Variants in TDRD15 observed in about 807,000 individuals in gnomAD.
The protein encoded by TDRD15 is tudor domain-containing protein 15.
For synonymous variants in TDRD15, 503 were observed against 314.5 expected, an observed-to-expected ratio of 1.60 and a Z score of -6.34; for missense variants, 1,416 against 904.7, an observed-to-expected ratio of 1.57 and a Z score of -7.25.
chr2:21,140,881 G>A lies in TDRD15; in HGVS notation c.3414G>A (p.Leu1138=), dbSNP rs1236551288. Residue 1138 remains leucine (L), a synonymous_variant, in exon 4 of 4, where the codon TTG becomes TTA. Coordinates refer to ENST00000405799, the MANE Select transcript of TDRD15 (RefSeq NM_001306137.2). ...SQYINEKIKV[L]LHAYGKRHCD... is the part of the protein sequence containing the mutation. ...ATATAAATGAGAAAATTAAAGTGTT[G>A]CTTCATGCTTATGGAAAAAGACATT... 4 of 709,268 alleles carry A rather than the reference G, an allele frequency of 5.6e-6. No homozygotes were observed. Among genetic ancestry groups the A allele is most frequent in the East Asian group, 2.7e-5 (1 of 37,228 alleles). The allele number at this position is 709,268 out of a possible 1,614,324, so 43.9% of individuals were successfully genotyped here.
intron 2 of TDRD15, among the ~76,000 whole-genome samples, chr2:21,131,422 A>G (rs1665716045): frequency 6.6e-6 from 1 of 152,230 alleles, no homozygotes. Flanking sequence ...TTATGATTTT[A>G]TATTCCACAT....
In TDRD15 at chr2:21,136,577, C is replaced by T. The variant is rs535996160; in HGVS notation, c.-3-888C>T. Reference sequence around the variant, plus strand: ...CCAATGTTTTTCTCTTACTCATCCTCATAGAAATAAATTAATGCCTGTCAA... The same window carrying T: ...CCAATGTTTTTCTCTTACTCATCCTTATAGAAATAAATTAATGCCTGTCAA... On this transcript the variant is annotated intron_variant, in intron 3 of 3. Coordinates refer to ENST00000405799, the MANE Select transcript of TDRD15 (RefSeq NM_001306137.2). 1.2e-4 allele frequency among the ~76,000 whole-genome samples: 18 copies of T among 152,094 alleles called. 1 individual carries two copies. The South Asian group carries it at 3.5e-3, about 30-fold the overall frequency.
chr2:21,127,480 T>G (rs1280853568), intron 1 of TDRD15, 121 bp from the exon 2 acceptor site: 5 of 152,250 alleles, frequency 3.3e-5, no homozygotes, highest in African/African-American at 4.8e-5. Context: ...AATAAATTTT[T>G]GCATATGGTC....
chr2:21,136,806 C>T (rs951687320), intron 3 of TDRD15, among the ~76,000 whole-genome samples: 19 of 151,984 alleles, frequency 1.3e-4, no homozygotes, highest in African/African-American at 4.3e-4. Flanking sequence ...GCCAGTCATG[C>T]CAGTGATAAG....
rs780665347 is a variant in TDRD15 at position 21,143,061 on chromosome 2, C to G, written c.5594C>G (p.Ala1865Gly). Residue 1865 changes from alanine to glycine, a missense_variant, in exon 4 of 4, where the codon GCC (alanine) becomes GGC (glycine). Physicochemically the swap from Ala to Gly is moderately conservative, Grantham distance 60. Coordinates refer to ENST00000405799, the MANE Select transcript of TDRD15 (RefSeq NM_001306137.2). ...PAKGKHWSEEAKIFFRDFLSK... is the reference protein window; with the variant it reads ...PAKGKHWSEEGKIFFRDFLSK... ...AAAGGAAAACATTGGAGTGAAGAAG[C>G]CAAAATCTTTTTTCGAGATTTCCTA... 2.9e-6 allele frequency: 2 copies of G among 689,228 alleles called. No homozygotes were observed. The highest frequency in any genetic ancestry group is 2.7e-6 in the Non-Finnish European group (1 of 375,030). The allele number at this position is 689,228 out of a possible 1,614,324, so 42.7% of individuals were successfully genotyped here.
rs771308434 is a variant in TDRD15 at position 21,137,457 on chromosome 2, C to T, written c.-3-8C>T. On this transcript the variant is annotated splice_region_variant and splice_polypyrimidine_tract_variant and intron_variant, in intron 3 of 3. Coordinates refer to ENST00000405799, the MANE Select transcript of TDRD15 (RefSeq NM_001306137.2). Reference sequence around the variant, plus strand: ...ATAGCTAATGAGTAATTATTATTTGCTTTTTAGAAAATGGATTCTACATCT... The same window carrying T: ...ATAGCTAATGAGTAATTATTATTTGTTTTTTAGAAAATGGATTCTACATCT... 2.0e-5 allele frequency: 12 copies of T among 615,004 alleles called. No homozygotes were observed. The South Asian group carries it at 2.5e-4, about 13-fold the overall frequency. The allele number at this position is 615,004 out of a possible 1,614,324, so 38.1% of individuals were successfully genotyped here. A position where few individuals can be genotyped will look rare whatever the true frequency, so the allele number is the denominator to read the frequency against.
intron 3 of TDRD15, among the ~76,000 whole-genome samples, chr2:21,136,761 A>T (rs996291847): frequency 6.6e-6 from 1 of 152,028 alleles, no homozygotes; most frequent in Non-Finnish European, 1.5e-5. Context: ...TTTTGCCTTG[A>T]TGCTATAGAT....
At position 21,143,516 on chromosome 2, in the gene TDRD15, C is replaced by T. The variant is rs1665980226; in HGVS notation, c.*244C>T. 6.6e-6 allele frequency among the ~76,000 whole-genome samples: 1 copy of T among 151,456 alleles called. No individual in the cohort carries two copies. The highest frequency in any genetic ancestry group is 2.1e-4 in the South Asian group (1 of 4,822). ...ACCATTTTGTTTGATACATGTACAA[C>T]AGCTTCATTTTGGGAACTGCCTGAT... On this transcript the variant is annotated 3_prime_UTR_variant, in exon 4 of 4. Transcript: ENST00000405799.
Position 21,137,804 on chromosome 2 carries a change from A to G in TDRD15, c.337A>G (p.Asn113Asp), listed in dbSNP as rs1572299025. Reference sequence around the variant, plus strand: ...TCCACAGATTGCTTCAGCCTGTGGCAATTTATTTGAGCTACCGCCACGGGT... The same window carrying G: ...TCCACAGATTGCTTCAGCCTGTGGCGATTTATTTGAGCTACCGCCACGGGT... ...AGPQIASACG[N>D]LFELPPRVVF... Residue 113 changes from asparagine to aspartate, a missense_variant, in exon 4 of 4, where the codon AAT (asparagine) becomes GAT (aspartate). By Grantham distance (23) the Asn-to-Asp change is conservative. Transcript: ENST00000405799. 1.4e-6 allele frequency: 1 copy of G among 716,516 alleles called. No homozygotes were observed. The highest frequency in any genetic ancestry group is 2.6e-6 in the Non-Finnish European group (1 of 384,468). The allele number at this position is 716,516 out of a possible 1,614,324, so 44.4% of individuals were successfully genotyped here.
Position 21,138,594 on chromosome 2 carries a change from A to G in TDRD15, c.1127A>G (p.Gln376Arg), listed in dbSNP as rs1202432408. 2 of 713,286 alleles carry G rather than the reference A, an allele frequency of 2.8e-6. No homozygotes were observed. Among genetic ancestry groups the G allele is most frequent in the East Asian group, 5.4e-5 (2 of 37,266 alleles). The allele number at this position is 713,286 out of a possible 1,614,324, so 44.2% of individuals were successfully genotyped here. A position where few individuals can be genotyped will look rare whatever the true frequency, so the allele number is the denominator to read the frequency against. The change falls in exon 4 of 4, where the codon CAG (glutamine) becomes CGG (arginine). Residue 376 changes from glutamine (Q) to arginine (R), a missense_variant. Transcript: ENST00000405799. The stretch of plus-strand genomic sequence containing the variant: ...ATATTTCAACTGAGTATATTTAAAC[A>G]GGCCTTATTAGGACAAGTGGTATAT... ...ARIFQLSIFK[Q>R]ALLGQVVYAH...
At chr2:21,125,700 G>A (rs1422453436) in intron 1 of TDRD15, among the ~76,000 whole-genome samples, 2 of 152,038 alleles carry the variant, frequency 1.3e-5, no homozygotes, top group Non-Finnish European at 2.9e-5. Flanking sequence ...AAAGCAGAGG[G>A]TAAAGTGAAT....
rs1396116338 is a variant in TDRD15 at position 21,141,703 on chromosome 2, A to T, written c.4236A>T (p.Gly1412=). ...TAGGAATCCATGCTTTTCTTAGTGG[A>T]GTAAAATGGAATGAGCCTGATGAAA... is the stretch of plus-strand genomic sequence containing the variant. ...PQLGIHAFLS[G]VKWNEPDEIW... is the part of the protein sequence containing the mutation. Residue 1412 remains glycine (G), a synonymous_variant, in exon 4 of 4, where the codon GGA becomes GGT. Transcript: ENST00000405799. 1.4e-6 allele frequency: 1 copy of T among 715,388 alleles called. No individual in the cohort carries two copies. Among genetic ancestry groups the T allele is most frequent in the East Asian group, 2.7e-5 (1 of 37,244 alleles). The allele number at this position is 715,388 out of a possible 1,614,324, so 44.3% of individuals were successfully genotyped here. A position where few individuals can be genotyped will look rare whatever the true frequency, so the allele number is the denominator to read the frequency against.
chr2:21,138,004 A>G lies in TDRD15; in HGVS notation c.537A>G (p.Leu179=), dbSNP rs1183375295. 2 of 716,774 alleles carry G rather than the reference A, an allele frequency of 2.8e-6. No individual in the cohort carries two copies. Among genetic ancestry groups the G allele is most frequent in the Admixed American group, 2.0e-5 (1 of 49,954 alleles). 44.4% of individuals were successfully genotyped at this position (716,774 alleles called of 1,614,324 possible). The change falls in exon 4 of 4, where the codon TTA becomes TTG. Residue 179 remains leucine (L), a synonymous_variant. Transcript: ENST00000405799. ...VPKIISQALE[L]QLGRLVDGDS... ...AAATTATATCTCAGGCTCTCGAGTTACAATTAGGAAGACTTGTTGATGGAG... is the reference window on the plus strand; with the variant it reads ...AAATTATATCTCAGGCTCTCGAGTTGCAATTAGGAAGACTTGTTGATGGAG...
rs183643534 is a variant in TDRD15 at position 21,141,072 on chromosome 2, A to G, written c.3605A>G (p.Lys1202Arg). 1.1e-4 allele frequency: 80 copies of G among 705,604 alleles called. No individual in the cohort carries two copies. In the East Asian group the frequency reaches 1.7e-3, roughly 15 times the overall value. 43.7% of individuals were successfully genotyped at this position (705,604 alleles called of 1,614,324 possible). A position where few individuals can be genotyped will look rare whatever the true frequency, so the allele number is the denominator to read the frequency against. ...AAAATAGACCAATTGATGCATCCCA[A>G]AAATATACATGCCAGGTTTTTGAAG... is the stretch of plus-strand genomic sequence containing the variant. The part of the protein sequence containing the change: ...ERKIDQLMHP[K>R]NIHARFLKPS... Residue 1202 changes from lysine to arginine, a missense_variant, in exon 4 of 4, where the codon AAA becomes AGA. Coordinates refer to ENST00000405799, the MANE Select transcript of TDRD15 (RefSeq NM_001306137.2).
At chr2:21,146,526 A>G (rs6715257), downstream of TDRD15, among the ~76,000 whole-genome samples, 2 of 151,936 alleles carry the variant, frequency 1.3e-5, no homozygotes, top group Non-Finnish European at 2.9e-5. Flanking sequence ...GCTTGCCCAC[A>G]TGCTTGTTTT....
intron 2 of TDRD15, among the ~76,000 whole-genome samples, chr2:21,131,341 A>G (rs1665714385): frequency 6.6e-6 from 1 of 152,214 alleles, no homozygotes; most frequent in Non-Finnish European, 1.5e-5. Flanking sequence ...TTATAAAATC[A>G]TGCATATTTA....
At position 21,138,504 on chromosome 2, in the gene TDRD15, T is replaced by C. The variant is rs1395987172; in HGVS notation, c.1037T>C (p.Leu346Ser). Residue 346 changes from leucine (L) to serine (S), a missense_variant, in exon 4 of 4, where the codon TTA (leucine) becomes TCA (serine). Leu to Ser is a moderately radical substitution (Grantham distance 145). Transcript: ENST00000405799. The stretch of plus-strand genomic sequence containing the variant: ...AAGAAACTTAAACAGGATTTTATTT[T>C]AGTACCATTATTTTCATTTCCATGT... Reference protein sequence around the residue: ...YVKKLKQDFILVPLFSFPCSL... With the variant: ...YVKKLKQDFISVPLFSFPCSL... The C allele has an allele frequency of 1.4e-6, 1 of 715,934 alleles. No individual in the cohort carries two copies. The highest frequency in any genetic ancestry group is 2.6e-6 in the Non-Finnish European group (1 of 384,320). The allele number at this position is 715,934 out of a possible 1,614,324, so 44.3% of individuals were successfully genotyped here.
chr2:21,125,850 T>A (rs1665580084), intron 1 of TDRD15, among the ~76,000 whole-genome samples: 1 of 152,208 alleles, frequency 6.6e-6, no homozygotes, highest in African/African-American at 2.4e-5. Flanking sequence ...GTACCTTTTT[T>A]ATATTACTCT....
rs1399197384 is a variant in TDRD15 at position 21,138,836 on chromosome 2, T to G, written c.1369T>G (p.Ser457Ala). The G allele has an allele frequency of 8.4e-6, 6 of 714,746 alleles. No homozygotes were observed. Among genetic ancestry groups the G allele is most frequent in the Admixed American group, 2.0e-5 (1 of 49,722 alleles). The allele number at this position is 714,746 out of a possible 1,614,324, so 44.3% of individuals were successfully genotyped here. ...VESFMGNIEW[S>A]IDSLNKKGIL... ...GAGTTTTATGGGAAATATTGAATGGTCAATAGACTCTCTAAATAAAAAAGG... is the reference window on the plus strand; with the variant it reads ...GAGTTTTATGGGAAATATTGAATGGGCAATAGACTCTCTAAATAAAAAAGG... The change falls in exon 4 of 4, where the codon TCA becomes GCA. Residue 457 changes from serine (S) to alanine (A), a missense_variant. Transcript: ENST00000405799.
Sources: gnomAD v4.1 joint callset for allele counts (sites outside exome capture counted in the v4.1 genomes callset) on GRCh38, gnomAD v4.1.1 for gene constraint, MANE v1.5 for transcripts, NCBI Gene and HGNC (gene_info 2026-07-23, HGNC 2026-07-21) for gene names.